CRHR2: variants seen among roughly 807,000 people sequenced by gnomAD.
The protein encoded by CRHR2 is corticotropin releasing hormone receptor 2.
Under a neutral mutation model 57.9 loss-of-function variants are expected in CRHR2, and 53 were observed. The observed-to-expected ratio is 0.92, with a 90% CI of 0.73 to 1.15. The LOEUF is 1.15. CRHR2 is among the 50% of genes most tolerant of loss of function. CRHR2 has a pLI of 0.00. For missense variants in CRHR2, 532 were observed against 542.6 expected, an observed-to-expected ratio of 0.98 and a Z score of 0.19; for synonymous variants, 213 against 220.9, an observed-to-expected ratio of 0.96 and a Z score of 0.32.
chr7:30,698,984 A>T (rs1462615733), intron 1 of CRHR2, among the ~76,000 whole-genome samples: 1 of 152,176 alleles, frequency 6.6e-6, no homozygotes, highest in Non-Finnish European at 1.5e-5. Context: ...TTACTGTTGA[A>T]TGTATTATCC....
At chr7:30,664,606 C>T (rs1387490496) in intron 5 of CRHR2, among the ~76,000 whole-genome samples, 1 of 152,108 alleles carries the variant, frequency 6.6e-6, no homozygotes, top group East Asian at 1.9e-4. Flanking sequence ...AAGCTCCCAG[C>T]CTGGCAGCTT....
At chr7:30,659,181 C>T (rs958482701) in intron 8 of CRHR2, among the ~76,000 whole-genome samples, 1 of 152,186 alleles carries the variant, frequency 6.6e-6, no homozygotes. Flanking sequence ...AAGAGCTGGG[C>T]CCAAAGGAAA....
chr7:30,676,973 T>A (rs973322077), intron 2 of CRHR2, among the ~76,000 whole-genome samples: 1 of 152,068 alleles, frequency 6.6e-6, no homozygotes, highest in African/African-American at 2.4e-5. Flanking sequence ...GAGCTTGAGG[T>A]CAAGGAGGCT....
At chr7:30,700,006 G>C in exon 1 of CRHR2, 1 of 1,444,350 alleles carries the variant, frequency 6.9e-7, no homozygotes, top group Non-Finnish European at 9.1e-7. Context: ...ACGTAGAGGA[G>C]GCCTGGGGGC....
chr7:30,686,226 G>A (rs1204843109), upstream of CRHR2, among the ~76,000 whole-genome samples: 1 of 152,134 alleles, frequency 6.6e-6, no homozygotes, highest in Non-Finnish European at 1.5e-5. Context: ...CATCTGCTGG[G>A]TGCTGGCCTA....
intron 2 of CRHR2, among the ~76,000 whole-genome samples, chr7:30,681,254 G>A (rs79492405): frequency 1.3e-5 from 2 of 152,124 alleles, no homozygotes; most frequent in African/African-American, 2.4e-5. Flanking sequence ...TGGTGTTGGG[G>A]TGCTGATTCA....
At chr7:30,676,167 C>G (rs143091991) in intron 2 of CRHR2, among the ~76,000 whole-genome samples, 2 of 152,180 alleles carry the variant, frequency 1.3e-5, no homozygotes, top group Non-Finnish European at 2.9e-5. Context: ...AGGCTGGACT[C>G]GGAACATAGA....
chr7:30,660,423 A>G, intron 8 of CRHR2, 150 bp downstream of exon 8: 1 of 748,216 alleles, frequency 1.3e-6, no homozygotes, highest in Non-Finnish European at 2.2e-6. Flanking sequence ...GTGCTGGGGC[A>G]CAGGGTGGCA....
chr7:30,653,810 C>G lies in CRHR2; in HGVS notation c.1096-210G>C, dbSNP rs901235637. Among the ~76,000 whole-genome samples, 2 of 152,164 alleles carry G rather than the reference C, an allele frequency of 1.3e-5. No individual in the cohort carries two copies. Among genetic ancestry groups the G allele is most frequent in the Non-Finnish European group, 2.9e-5 (2 of 68,024 alleles). On this transcript the variant is annotated intron_variant, in intron 11 of 11. Coordinates refer to ENST00000471646, the MANE Select transcript of CRHR2 (RefSeq NM_001883.5). This position sits in a 1 kb window ranked among gnomAD's most constrained non-coding sequence, Gnocchi z 5.0. ...TTCCTGGAGAAGCTTGACTCCACAC[C>G]TCCTTTACTCCACACTGTCCTCCCA... is the stretch of plus-strand genomic sequence containing the variant.
chr7:30,689,076 G>A, intron 2 of CRHR2: 1 of 913,192 alleles, frequency 1.1e-6, no homozygotes. Context: ...CTGGAAACCA[G>A]CACCCCACCC....
upstream of CRHR2, among the ~76,000 whole-genome samples, chr7:30,682,880 G>C (rs6967702): frequency 0.028 from 4,194 of 152,366 alleles, 190 homozygotes; most frequent in African/African-American, 0.095. Context: ...CAGAGACGGA[G>C]AGCCCATGGG....
chr7:30,681,396 C>A (rs117929809), intron 2 of CRHR2, among the ~76,000 whole-genome samples: 14 of 152,310 alleles, frequency 9.2e-5, no homozygotes, highest in East Asian at 3.9e-4. Context: ...AGAACCTACG[C>A]CTGCATGTCC....
At chr7:30,659,133 A>AGG (rs1244950728) in intron 8 of CRHR2, among the ~76,000 whole-genome samples, 4 of 152,232 alleles carry the variant, frequency 2.6e-5, no homozygotes, top group Non-Finnish European at 5.9e-5. Context: ...AGCTTCTGGA[A>AGG]GGGCTCAGCT....
rs1783782663 is a variant in CRHR2 at position 30,656,168 on chromosome 7, G to C, written c.832-156C>G. On this transcript the variant is annotated intron_variant, in intron 8 of 11. Transcript: ENST00000471646. This position sits in a 1 kb window ranked among gnomAD's most constrained non-coding sequence, Gnocchi z 4.4. ...CCCCTAGCACCTGCCAGCATCCCAA[G>C]GCCTGTGCTCCTCCCTCGCCAGGAT... Among the ~76,000 whole-genome samples the C allele has an allele frequency of 6.6e-6, 1 of 151,730 alleles. No homozygotes were observed. The highest frequency in any genetic ancestry group is 2.4e-5 in the African/African-American group (1 of 41,302).
At chr7:30,680,718 T>C (rs1784670237) in intron 2 of CRHR2, among the ~76,000 whole-genome samples, 1 of 152,130 alleles carries the variant, frequency 6.6e-6, no homozygotes, top group Admixed American at 6.5e-5. Flanking sequence ...CCTCAGCTGG[T>C]GCAGCCAGGA....
In CRHR2 at chr7:30,655,700, G is replaced by T; in HGVS notation, c.933C>A (p.Ala311=). 1 of 1,613,796 alleles carries T rather than the reference G, an allele frequency of 6.2e-7. No individual in the cohort carries two copies. Among genetic ancestry groups the T allele is most frequent in the South Asian group, 1.1e-5 (1 of 91,032 alleles). The change falls in exon 10 of 12, where the codon GCC becomes GCA. Residue 311 remains alanine (A), a synonymous_variant. Transcript: ENST00000471646. ...CCAGGAGGGGCAGGAGCACCAGGGT[G>T]GCCTTCACTGCCTTCCTGGGGGCGA... ...ETIQYRKAVK[A]TLVLLPLLGI... is the part of the protein sequence containing the mutation.
rs149605130 is a variant in CRHR2 at position 30,675,235 on chromosome 7, A to T, written c.229+6680T>A. Among the ~76,000 whole-genome samples the T allele has an allele frequency of 6.9e-3, 1,051 of 152,280 alleles. 18 individuals carry two copies. The highest frequency in any genetic ancestry group is 0.024 in the African/African-American group (989 of 41,564). ...TGCCTGTACCTGGGGCCCAGCCAAG[A>T]AGCCCTGTGGGGAGCTCCCTGAGGA... On this transcript the variant is annotated intron_variant, in intron 2 of 11. Coordinates refer to ENST00000471646, the MANE Select transcript of CRHR2 (RefSeq NM_001883.5).
At position 30,653,846 on chromosome 7, in the gene CRHR2, T is replaced by C. The variant is rs1783675406; in HGVS notation, c.1096-246A>G. Among the ~76,000 whole-genome samples, 1 of 152,140 alleles carries C rather than the reference T, an allele frequency of 6.6e-6. No homozygotes were observed. The highest frequency in any genetic ancestry group is 1.5e-5 in the Non-Finnish European group (1 of 68,024). ...CACACTGTCCTCCCAGATCATCCAG[T>C]TTCCTCTGGACACACTGCCTTCCCT... On this transcript the variant is annotated intron_variant, in intron 11 of 11. Coordinates refer to ENST00000471646, the MANE Select transcript of CRHR2 (RefSeq NM_001883.5). The surrounding 1 kb of genome is among the most constrained non-coding windows in gnomAD (Gnocchi z 5.0).
chr7:30,686,362 A>G, upstream of CRHR2: 1 of 1,516,416 alleles, frequency 6.6e-7, no homozygotes, highest in South Asian at 1.2e-5. Flanking sequence ...ACTTCAGCCC[A>G]GTGAGTCACT....
Sources: gnomAD v4.1 joint callset for allele counts (sites outside exome capture counted in the v4.1 genomes callset) on GRCh38, gnomAD v4.1.1 for gene constraint, Gnocchi (gnomAD v3.1) non-coding constraint, MANE v1.5 for transcripts, NCBI Gene and HGNC (gene_info 2026-07-23, HGNC 2026-07-21) for gene names.